Variants in ZNHIT3 observed in about 807,000 individuals in gnomAD.
The protein encoded by ZNHIT3 is zinc finger HIT-type containing 3, also known as zinc finger HIT domain-containing protein 3.
A neutral mutation model predicts 19.9 loss-of-function variants in ZNHIT3; 27 were observed. The observed-to-expected ratio is 1.36, with a 90% confidence interval of 1.00 to 1.87. The LOEUF (loss-of-function observed/expected upper bound fraction) is 1.87. ZNHIT3 is among the 40% of genes most tolerant of loss of function. The pLI is 0.00. For missense variants in ZNHIT3, 215 were observed against 185.6 expected, an observed-to-expected ratio of 1.16 and a Z score of -0.92; for synonymous variants, 81 against 65.7, an observed-to-expected ratio of 1.23 and a Z score of -1.13.
chr17:36,489,250 C>T (rs999648737), intron 2 of ZNHIT3: 2 of 152,168 alleles, frequency 1.3e-5, no homozygotes, highest in East Asian at 1.9e-4. Context: ...TAGCAGTAAA[C>T]GCAGGAGTGC....
chr17:36,498,345 G>A (rs746023508), downstream of ZNHIT3: 3 of 1,613,996 alleles, frequency 1.9e-6, no homozygotes, highest in Non-Finnish European at 2.5e-6. Flanking sequence ...GCTGCCCCTG[G>A]GGAGCTGGAG....
At chr17:36,487,410 C>CA (rs2070596700) in intron 2 of ZNHIT3, among the ~76,000 whole-genome samples, 1 of 152,204 alleles carries the variant, frequency 6.6e-6, no homozygotes, top group Non-Finnish European at 1.5e-5. Flanking sequence ...AGTCCATGTA[C>CA]AATACAAGGA....
chr17:36,498,258 C>T, downstream of ZNHIT3: 1 of 1,606,880 alleles, frequency 6.2e-7, no homozygotes, highest in Non-Finnish European at 8.5e-7. Flanking sequence ...CCATCACACA[C>T]AACGTACCTG....
downstream of ZNHIT3, chr17:36,495,915 A>G (rs1006868975): frequency 3.4e-6 from 4 of 1,168,592 alleles, no homozygotes; most frequent in Non-Finnish European, 4.3e-6. Context: ...TTTTCTTCCA[A>G]AAGTGCTTAT....
At chr17:36,494,632 T>C (rs868412055) in intron 4 of ZNHIT3, among the ~76,000 whole-genome samples, 1 of 152,234 alleles carries the variant, frequency 6.6e-6, no homozygotes, top group African/African-American at 2.4e-5. Context: ...AGTCTCATGG[T>C]AATGATTAGT....
At chr17:36,496,092 G>A (rs530708717), downstream of ZNHIT3, 12 of 1,002,876 alleles carry the variant, frequency 1.2e-5, no homozygotes, top group South Asian at 3.2e-5. Flanking sequence ...GCCCACTGAC[G>A]CACTGGGCAC....
In ZNHIT3 at chr17:36,494,008, T is replaced by C; in HGVS notation, c.286+2T>C. 6.2e-7 allele frequency: 1 copy of C among 1,607,176 alleles called. No homozygotes were observed. Among genetic ancestry groups the C allele is most frequent in the Non-Finnish European group, 8.5e-7 (1 of 1,173,874 alleles). On this transcript the variant is annotated splice_donor_variant, in intron 4 of 4. Transcript: ENST00000617429. LOFTEE classifies it high-confidence loss of function. ...CTTTGCAGAATTTAAAGAATTTAGG[T>C]AAGTCTGTGCTATGCTTGTCAATCG... is the stretch of plus-strand genomic sequence containing the variant.
chr17:36,498,076 AG>A (rs1163905793), downstream of ZNHIT3: 12 of 590,310 alleles, frequency 2.0e-5, no homozygotes, highest in African/African-American at 3.7e-5. Context: ...GGGCTCTGGA[AG>A]ATTCCCAGTT....
At position 36,493,848 on chromosome 17, in the gene ZNHIT3, C is replaced by T. The variant is rs570513621; in HGVS notation, c.206-78C>T. 7 of 967,282 alleles carry T rather than the reference C, an allele frequency of 7.2e-6. No homozygotes were observed. In the African/African-American group the frequency reaches 8.1e-5, roughly 11 times the overall value. The allele number at this position is 967,282 out of a possible 1,614,324, so 59.9% of individuals were successfully genotyped here. On this transcript the variant is annotated intron_variant, in intron 3 of 4. Transcript: ENST00000617429. ...ACATGTGCGTGCACACATTTTTATCCTGTTCAAGTAGTGGTTAAAATCTGG... is the reference window on the plus strand; with the variant it reads ...ACATGTGCGTGCACACATTTTTATCTTGTTCAAGTAGTGGTTAAAATCTGG...
chr17:36,495,743 G>A lies in ZNHIT3; in HGVS notation c.*339G>A, dbSNP rs942631462. ...TGGTCAGTGTTAATAAAATCAAAAC[G>A]TGATTCTACTGTACATTGCATTATT... On this transcript the variant is annotated 3_prime_UTR_variant, in exon 5 of 5. Coordinates refer to ENST00000617429, the MANE Select transcript of ZNHIT3 (RefSeq NM_004773.4). 1.5e-5 allele frequency: 19 copies of A among 1,244,874 alleles called. No homozygotes were observed. Among genetic ancestry groups the A allele is most frequent in the East Asian group, 6.2e-5 (2 of 32,446 alleles). The allele number at this position is 1,244,874 out of a possible 1,614,324, so 77.1% of individuals were successfully genotyped here.
rs757720388 is a variant in ZNHIT3 at position 36,486,788 on chromosome 17, G to A, written c.86+3G>A. ...TGTCCAGCCTGCCGCGTGCCCTAGT[G>A]AGCGGGGAGGTCGCGGGGTCCAGGG... On this transcript the variant is annotated splice_donor_region_variant and intron_variant, in intron 1 of 4. Coordinates refer to ENST00000617429, the MANE Select transcript of ZNHIT3 (RefSeq NM_004773.4). The A allele has an allele frequency of 5.4e-5, 87 of 1,612,532 alleles. 1 individual carries two copies. The South Asian group carries it at 9.6e-4, about 18-fold the overall frequency.
At chr17:36,499,155 G>A (rs202233279), downstream of ZNHIT3, 850 of 1,602,812 alleles carry the variant, frequency 5.3e-4, 7 homozygotes, top group African/African-American at 9.6e-4. Context: ...AACCAGGAAC[G>A]AATGGCTAAG....
downstream of ZNHIT3, chr17:36,498,454 G>A: frequency 1.2e-6 from 2 of 1,614,020 alleles, no homozygotes; most frequent in East Asian, 4.5e-5. Context: ...ATTGCCTCCA[G>A]GAGCCTGGTC....
chr17:36,495,155 C>T (rs1436329376), intron 4 of ZNHIT3, 68 bp from the exon 5 acceptor site: 3 of 1,501,422 alleles, frequency 2.0e-6, no homozygotes, highest in Non-Finnish European at 2.7e-6. Context: ...AATAGCTCTT[C>T]ACTTTTCAGC....
downstream of ZNHIT3, chr17:36,499,016 G>A (rs1014582994): frequency 1.5e-6 from 2 of 1,372,276 alleles, no homozygotes; most frequent in Non-Finnish European, 1.0e-6. Context: ...TCCCACTCGG[G>A]TCCATCTGGT....
At chr17:36,499,226 G>T, downstream of ZNHIT3, 1 of 1,157,280 alleles carries the variant, frequency 8.6e-7, no homozygotes, top group Non-Finnish European at 1.3e-6. Flanking sequence ...CAGTGACCTC[G>T]CTGCAGCAGC....
intron 4 of ZNHIT3, among the ~76,000 whole-genome samples, chr17:36,494,356 ACT>A (rs1421030757): frequency 6.6e-6 from 1 of 152,140 alleles, no homozygotes; most frequent in Non-Finnish European, 1.5e-5. Context: ...GTAATAAATC[ACT>A]GTTACATTTC....
At chr17:36,493,757 G>A (rs1036966806) in intron 3 of ZNHIT3, among the ~76,000 whole-genome samples, 169 bp from the exon 4 acceptor site, 1 of 152,224 alleles carries the variant, frequency 6.6e-6, no homozygotes, top group Non-Finnish European at 1.5e-5. Flanking sequence ...AGGAGTGTTA[G>A]TATAGTCACA....
chr17:36,498,754 C>T, downstream of ZNHIT3: 1 of 619,672 alleles, frequency 1.6e-6, no homozygotes, highest in South Asian at 2.0e-5. Context: ...TGTGCTTAGG[C>T]CTTACATATG....
Sources: allele counts gnomAD v4.1 joint callset (sites outside exome capture counted in the v4.1 genomes callset), GRCh38; gene constraint gnomAD v4.1.1; transcripts MANE v1.5; gene names NCBI Gene and HGNC (gene_info 2026-07-23, HGNC 2026-07-21).